The following MTDH variants were observed in gnomAD, a reference collection of about 807,000 sequenced individuals.
MTDH encodes protein LYRIC.
Under a neutral mutation model 72.7 loss-of-function variants are expected in MTDH, and 34 were observed. The ratio of observed to expected loss-of-function variants is 0.47; its 90% CI spans 0.36 to 0.62. The LOEUF (loss-of-function observed/expected upper bound fraction) is 0.62, where lower values mean the gene tolerates loss of function less well. Among genes scored for constraint, MTDH ranks in the 20% least tolerant of loss-of-function variants. The pLI is 0.00. For missense variants in MTDH, 677 were observed against 699.4 expected, an observed-to-expected ratio of 0.97 and a Z score of 0.36; for synonymous variants, 266 against 268.9, an observed-to-expected ratio of 0.99 and a Z score of 0.10.
In MTDH at chr8:97,727,801, T is replaced by C. The variant is rs1815416910; in HGVS notation, c.*3131T>C. On this transcript the variant is annotated 3_prime_UTR_variant, in exon 12 of 12. Coordinates refer to ENST00000336273, the MANE Select transcript of MTDH (RefSeq NM_178812.4). ...TTCCCTACTCTGAGGCAGGGTGTAG[T>C]GGTTTAGGGGTTTCTCCAGACTGGA... 1 of 152,078 alleles carries C rather than the reference T, an allele frequency of 6.6e-6. No individual in the cohort carries two copies. The highest frequency in any genetic ancestry group is 2.4e-5 in the African/African-American group (1 of 41,404). 9.4% of individuals were successfully genotyped at this position (152,078 alleles called of 1,614,324 possible).
At chr8:97,678,167 G>A (rs1270414156) in intron 2 of MTDH, among the ~76,000 whole-genome samples, 1 of 152,126 alleles carries the variant, frequency 6.6e-6, no homozygotes, top group African/African-American at 2.4e-5. Flanking sequence ...AACCACTTTT[G>A]TGAGCAATTA....
chr8:97,710,856 C>T (rs925192072), intron 8 of MTDH, among the ~76,000 whole-genome samples: 4 of 151,848 alleles, frequency 2.6e-5, no homozygotes, highest in Admixed American at 6.6e-5. Flanking sequence ...AAAAATTAGC[C>T]GGGCATGGTG....
At chr8:97,647,803 G>A (rs545046513) in intron 1 of MTDH, among the ~76,000 whole-genome samples, 3 of 152,244 alleles carry the variant, frequency 2.0e-5, no homozygotes, top group Non-Finnish European at 4.4e-5. Flanking sequence ...CTTGGGCCAG[G>A]CACAGTGGCT....
intron 9 of MTDH, among the ~76,000 whole-genome samples, chr8:97,714,983 G>A (rs564072728): frequency 3.3e-5 from 5 of 151,454 alleles, no homozygotes; most frequent in Admixed American, 6.6e-5. Context: ...GTGCCACCAC[G>A]CCTGGCTAAT....
At chr8:97,658,329 C>G (rs1477065356) in intron 1 of MTDH, among the ~76,000 whole-genome samples, 1 of 152,206 alleles carries the variant, frequency 6.6e-6, no homozygotes, top group African/African-American at 2.4e-5. Flanking sequence ...GCTTGCTGAT[C>G]ATTTCAGAGC....
At chr8:97,700,051 G>T (rs550555439) in intron 7 of MTDH, among the ~76,000 whole-genome samples, 199 bp downstream of exon 7, 54 of 152,098 alleles carry the variant, frequency 3.6e-4, no homozygotes, top group African/African-American at 1.3e-3. Context: ...CGTAATTGAG[G>T]CAATATTTAA....
Position 97,699,823 on chromosome 8 carries a change from C to G in MTDH, c.1118C>G (p.Pro373Arg), listed in dbSNP as rs776433109. ...CAGTGGGATGTTAGCCGTAATCAACCCTATATCGATGATGAATGGTCTGGG... is the reference window on the plus strand; with the variant it reads ...CAGTGGGATGTTAGCCGTAATCAACGCTATATCGATGATGAATGGTCTGGG... ...DYQWDVSRNQ[P>R]YIDDEWSGLN... Residue 373 changes from proline to arginine, a missense_variant, in exon 7 of 12, where the codon CCC becomes CGC. This residue lies in a region of MTDH where 467 missense variants were observed against 469.1 expected (regional missense o/e 1.00). Transcript: ENST00000336273. 1.2e-6 allele frequency: 2 copies of G among 1,612,624 alleles called. No individual in the cohort carries two copies. The highest frequency in any genetic ancestry group is 1.7e-6 in the Non-Finnish European group (2 of 1,178,928).
At chr8:97,717,957 C>A (rs1814942259) in intron 9 of MTDH, among the ~76,000 whole-genome samples, 1 of 152,178 alleles carries the variant, frequency 6.6e-6, no homozygotes, top group Non-Finnish European at 1.5e-5. Context: ...ACCATGTTGG[C>A]CAGACTGGTC....
In MTDH at chr8:97,713,653, T is replaced by A. The variant is rs1264589694; in HGVS notation, c.1273-9T>A. Reference sequence around the variant, plus strand: ...TGGTTCTCTTTAATATTTTTGCTTTTAACCTAAGGTCTCAGATGATGATAA... The same window carrying A: ...TGGTTCTCTTTAATATTTTTGCTTTAAACCTAAGGTCTCAGATGATGATAA... On this transcript the variant is annotated splice_polypyrimidine_tract_variant and intron_variant, in intron 8 of 11. Coordinates refer to ENST00000336273, the MANE Select transcript of MTDH (RefSeq NM_178812.4). 1 of 1,547,734 alleles carries A rather than the reference T, an allele frequency of 6.5e-7. No homozygotes were observed.
rs1174581955 is a variant in MTDH at position 97,729,661 on chromosome 8, T to C, written c.*4991T>C. ...CAACTTCTATATGATAGTTTGCTTT[T>C]TGTTTTTTGTTTTTTTCTAGAGACA... On this transcript the variant is annotated 3_prime_UTR_variant, in exon 12 of 12. Transcript: ENST00000336273. Among the ~76,000 whole-genome samples the C allele has an allele frequency of 6.6e-6, 1 of 152,156 alleles. No individual in the cohort carries two copies. Among genetic ancestry groups the C allele is most frequent in the Non-Finnish European group, 1.5e-5 (1 of 68,032 alleles).
rs1815405051 is a variant in MTDH at position 97,727,557 on chromosome 8, C to T, written c.*2887C>T. The stretch of plus-strand genomic sequence containing the variant: ...GTTTCCATCATCAACTCAGAAAGCA[C>T]TAAAATCTAGGTGGTGATTCAGGGA... On this transcript the variant is annotated 3_prime_UTR_variant, in exon 12 of 12. Coordinates refer to ENST00000336273, the MANE Select transcript of MTDH (RefSeq NM_178812.4). 1 of 151,640 alleles carries T rather than the reference C, an allele frequency of 6.6e-6. No homozygotes were observed. Among genetic ancestry groups the T allele is most frequent in the Admixed American group, 6.6e-5 (1 of 15,218 alleles). The allele number at this position is 151,640 out of a possible 1,614,324, so 9.4% of individuals were successfully genotyped here.
chr8:97,652,314 A>G (rs1811804619), intron 1 of MTDH, among the ~76,000 whole-genome samples: 1 of 152,182 alleles, frequency 6.6e-6, no homozygotes, highest in African/African-American at 2.4e-5. Flanking sequence ...TTCACAACCC[A>G]GCGCCTTTAC....
chr8:97,648,430 G>GT (rs199543296), intron 1 of MTDH, among the ~76,000 whole-genome samples: 3,583 of 151,958 alleles, frequency 0.024, 51 homozygotes, highest in Non-Finnish European at 0.04. Flanking sequence ...AAACTGGTCT[G>GT]TAACAATTGG....
intron 2 of MTDH, among the ~76,000 whole-genome samples, chr8:97,685,263 AGT>A (rs1282824948): frequency 2.0e-5 from 3 of 151,734 alleles, no homozygotes; most frequent in Non-Finnish European, 2.9e-5. Context: ...GTAATAAAAC[AGT>A]GTATTAAACA....
intron 2 of MTDH, among the ~76,000 whole-genome samples, chr8:97,661,569 T>C (rs573686621): frequency 6.6e-6 from 1 of 152,318 alleles, no homozygotes; most frequent in South Asian, 2.1e-4. Context: ...CGTTCAGTGA[T>C]GTTTAGTGTT....
At chr8:97,659,599 A>T (rs1436307605) in intron 1 of MTDH, among the ~76,000 whole-genome samples, 2 of 152,220 alleles carry the variant, frequency 1.3e-5, no homozygotes, top group Non-Finnish European at 2.9e-5. Context: ...GTTAAGTCAT[A>T]TTATAGAAAC....
intron 2 of MTDH, among the ~76,000 whole-genome samples, chr8:97,682,288 T>A (rs1813169380): frequency 3.5e-4 from 9 of 25,978 alleles, no homozygotes; most frequent in African/African-American, 9.1e-4. Context: ...ATATTTTTTT[T>A]TTTTTTTTTT....
Position 97,706,683 on chromosome 8 carries a change from G to C in MTDH, c.1205G>C (p.Gly402Ala). 4 of 1,613,796 alleles carry C rather than the reference G, an allele frequency of 2.5e-6. No individual in the cohort carries two copies. Among genetic ancestry groups the C allele is most frequent in the Non-Finnish European group, 3.4e-6 (4 of 1,179,846 alleles). Residue 402 changes from glycine (G) to alanine (A), a missense_variant, in exon 8 of 12, where the codon GGC becomes GCC. Gly to Ala is a moderately conservative substitution (Grantham distance 60, BLOSUM62 0). Transcript: ENST00000336273. ...TGGAATGCACCAGCAGAAGAGTGGG[G>C]CAATTGGGTAGACGAAGAAAGAGCT... is the stretch of plus-strand genomic sequence containing the variant. ...SDWNAPAEEW[G>A]NWVDEERASL...
intron 10 of MTDH, among the ~76,000 whole-genome samples, chr8:97,721,015 C>T (rs928100455): frequency 6.6e-6 from 1 of 151,866 alleles, no homozygotes; most frequent in African/African-American, 2.4e-5. Flanking sequence ...AGATTTGATC[C>T]GTTCTGTGAC....
Sources: allele counts gnomAD v4.1 joint callset (sites outside exome capture counted in the v4.1 genomes callset), GRCh38; gene constraint gnomAD v4.1.1; regional missense constraint gnomAD v4.1.1; transcripts MANE v1.5; gene names NCBI Gene and HGNC (gene_info 2026-07-23, HGNC 2026-07-21).